The following GALNTL6 variants were observed in gnomAD, a reference collection of about 807,000 sequenced individuals.
The protein encoded by GALNTL6 is polypeptide N-acetylgalactosaminyltransferase like 6.
A neutral mutation model predicts 73.7 loss-of-function variants in GALNTL6; 46 were observed. That is an observed-to-expected ratio of 0.62 (90% CI 0.49 to 0.80). The LOEUF (loss-of-function observed/expected upper bound fraction) is 0.80. Among genes scored for constraint, GALNTL6 ranks in the 30% least tolerant of loss-of-function variants. The probability of loss-of-function intolerance (pLI) is 0.00; values close to 1 mark genes in which losing one functional copy is unlikely to be tolerated. For synonymous variants in GALNTL6, 259 were observed against 263.7 expected, an observed-to-expected ratio of 0.98 and a Z score of 0.17; for missense variants, 604 against 755.0, an observed-to-expected ratio of 0.80 and a Z score of 2.34.
chr4:172,958,840 G>C (rs918972393), intron 10 of GALNTL6, among the ~76,000 whole-genome samples: 5 of 152,134 alleles, frequency 3.3e-5, no homozygotes, highest in African/African-American at 4.8e-5. Flanking sequence ...CAATAGTAAA[G>C]AAAGCATGTT....
chr4:172,757,089 A>G (rs925764733), intron 5 of GALNTL6, among the ~76,000 whole-genome samples: 6 of 152,212 alleles, frequency 3.9e-5, no homozygotes, highest in Non-Finnish European at 7.3e-5. Flanking sequence ...TAAGTAAAAA[A>G]TTATGAATAA....
At chr4:172,436,224 C>T (rs1174208873) in intron 5 of GALNTL6, among the ~76,000 whole-genome samples, 2 of 152,054 alleles carry the variant, frequency 1.3e-5, no homozygotes, top group Non-Finnish European at 2.9e-5. Context: ...CACCTCTTAC[C>T]ACTGCAAATA....
At chr4:172,909,205 G>T (rs1747067150) in intron 8 of GALNTL6, among the ~76,000 whole-genome samples, 1 of 150,334 alleles carries the variant, frequency 6.7e-6, no homozygotes, top group African/African-American at 2.4e-5. Context: ...AAAGTATGAA[G>T]ATCCTAAGAA....
chr4:172,211,855 C>T (rs1053378992), intron 2 of GALNTL6, among the ~76,000 whole-genome samples: 1 of 152,158 alleles, frequency 6.6e-6, no homozygotes, highest in African/African-American at 2.4e-5. Context: ...CATAAGGGTG[C>T]TAATACCATT....
At chr4:172,235,327 C>T (rs1330005976) in intron 3 of GALNTL6, among the ~76,000 whole-genome samples, 1 of 152,070 alleles carries the variant, frequency 6.6e-6, no homozygotes, top group Non-Finnish European at 1.5e-5. Flanking sequence ...CCTGCCTCAG[C>T]CTCCCGAGGA....
intron 2 of GALNTL6, among the ~76,000 whole-genome samples, chr4:172,208,084 G>A (rs1736202667): frequency 2.0e-5 from 3 of 152,230 alleles, no homozygotes. Context: ...GTTCTTTGTG[G>A]AATCCTTATT....
intron 2 of GALNTL6, among the ~76,000 whole-genome samples, chr4:172,106,787 A>G (rs991409362): frequency 2.0e-4 from 31 of 152,254 alleles, no homozygotes; most frequent in African/African-American, 7.0e-4. Context: ...TGAACAAAAA[A>G]AGGGACCAAC....
At chr4:172,794,881 G>A (rs1740181760) in intron 5 of GALNTL6, among the ~76,000 whole-genome samples, 1 of 152,060 alleles carries the variant, frequency 6.6e-6, no homozygotes, top group Non-Finnish European at 1.5e-5. Context: ...GAGTCTAAAC[G>A]AGAGCTGTTT....
chr4:172,127,122 G>A (rs1010577532), intron 2 of GALNTL6, among the ~76,000 whole-genome samples: 13 of 152,324 alleles, frequency 8.5e-5, no homozygotes, highest in South Asian at 2.1e-4. Flanking sequence ...TAGCAGGGCC[G>A]CAGTGCAGCC....
intron 5 of GALNTL6, among the ~76,000 whole-genome samples, chr4:172,765,746 A>C (rs2110843431): frequency 6.6e-6 from 1 of 152,228 alleles, no homozygotes; most frequent in Admixed American, 6.5e-5. Context: ...CGTCTCCCAC[A>C]CAGCTCAGAT....
chr4:172,470,603 C>A (rs871714), intron 5 of GALNTL6, among the ~76,000 whole-genome samples: 1 of 152,070 alleles, frequency 6.6e-6, no homozygotes, highest in Non-Finnish European at 1.5e-5. Flanking sequence ...AGTAGCACAG[C>A]GCAAAGGTAT....
At chr4:172,043,250 A>G (rs1291347656) in intron 2 of GALNTL6, among the ~76,000 whole-genome samples, 1 of 151,988 alleles carries the variant, frequency 6.6e-6, no homozygotes, top group Non-Finnish European at 1.5e-5. Flanking sequence ...CTCTTTATAC[A>G]GTATCTTCTT....
At chr4:172,840,785 C>T (rs925587067) in intron 7 of GALNTL6, among the ~76,000 whole-genome samples, 20 of 152,086 alleles carry the variant, frequency 1.3e-4, no homozygotes, top group African/African-American at 4.8e-4. Flanking sequence ...TCGAGACTGT[C>T]CTTCAATCAG....
intron 2 of GALNTL6, among the ~76,000 whole-genome samples, chr4:172,149,163 T>C (rs1435595060): frequency 6.6e-6 from 1 of 152,208 alleles, no homozygotes; most frequent in African/African-American, 2.4e-5. Flanking sequence ...AGTTCATAAT[T>C]TCAAACATAA....
At chr4:172,677,769 A>T (rs750135145) in intron 5 of GALNTL6, among the ~76,000 whole-genome samples, 47 of 148,996 alleles carry the variant, frequency 3.2e-4, no homozygotes, top group Admixed American at 1.6e-3. Context: ...ACAAAAAATT[A>T]AAAAAAAAAG....
At chr4:172,833,873 G>A (rs1369201800) in intron 7 of GALNTL6, among the ~76,000 whole-genome samples, 1 of 152,164 alleles carries the variant, frequency 6.6e-6, no homozygotes, top group East Asian at 1.9e-4. Flanking sequence ...ACTCCCCTTT[G>A]GGAGGCCGAG....
At chr4:172,156,568 C>CTATATATATATATATAGTATATATAT (rs1560945829) in intron 2 of GALNTL6, among the ~76,000 whole-genome samples, 4 of 115,802 alleles carry the variant, frequency 3.5e-5, no homozygotes, top group African/African-American at 1.5e-4. Flanking sequence ...TATATATATA[C>CTATATATATATATATAGTATATATAT]ATACTATATA....
At chr4:172,207,572 A>C (rs1736178955) in intron 2 of GALNTL6, among the ~76,000 whole-genome samples, 1 of 152,194 alleles carries the variant, frequency 6.6e-6, no homozygotes, top group African/African-American at 2.4e-5. Flanking sequence ...CCTTTGTCAG[A>C]GCCAATACAC....
chr4:172,819,464 AC>A (rs1241234750), intron 7 of GALNTL6, among the ~76,000 whole-genome samples: 1 of 152,236 alleles, frequency 6.6e-6, no homozygotes, highest in South Asian at 2.1e-4. Flanking sequence ...ACTTATTTTT[AC>A]AAAAAAGGAA....
Sources: gnomAD v4.1 joint callset for allele counts (sites outside exome capture counted in the v4.1 genomes callset) on GRCh38, gnomAD v4.1.1 for gene constraint, MANE v1.5 for transcripts, NCBI Gene and HGNC (gene_info 2026-07-23, HGNC 2026-07-21) for gene names.